The following CUL3 variants were observed in gnomAD, a reference collection of about 807,000 sequenced individuals.
The protein encoded by CUL3 is cullin-3.
A neutral mutation model predicts 89.1 loss-of-function variants in CUL3; 19 were observed. That is an observed-to-expected ratio of 0.21 (90% CI 0.15 to 0.31). The LOEUF is 0.31. CUL3 is among the 10% of genes least tolerant of loss of function. The probability of loss-of-function intolerance (pLI) is 1.00; values close to 1 mark genes in which losing one functional copy is unlikely to be tolerated. For missense variants in CUL3, 469 were observed against 942.3 expected (o/e 0.50, Z 6.58); for synonymous variants, 351 against 308.4 (o/e 1.14, Z -1.45).
chr2:224,511,707 G>T, intron 5 of CUL3, 125 bp from the exon 6 acceptor site: 1 of 566,140 alleles, frequency 1.8e-6, no homozygotes, highest in Non-Finnish European at 3.0e-6. Flanking sequence ...AGCATTTTGT[G>T]TAATTTCTCA....
intron 2 of CUL3, among the ~76,000 whole-genome samples, chr2:224,551,201 G>A (rs572849116): frequency 3.3e-5 from 5 of 150,968 alleles, no homozygotes; most frequent in South Asian, 2.1e-4. Context: ...CACCAAGCCC[G>A]GCAATTTTTT....
chr2:224,571,964 A>T (rs1695190322), intron 1 of CUL3, among the ~76,000 whole-genome samples: 1 of 152,248 alleles, frequency 6.6e-6, no homozygotes. Flanking sequence ...CTTATCCAAG[A>T]TCACACAGAG....
chr2:224,484,854 T>C (rs887882123), intron 13 of CUL3, among the ~76,000 whole-genome samples: 3 of 152,192 alleles, frequency 2.0e-5, no homozygotes, highest in Non-Finnish European at 4.4e-5. Context: ...GATGGCCGAA[T>C]AGGAACAGCT....
intron 1 of CUL3, among the ~76,000 whole-genome samples, chr2:224,584,742 G>C (rs1195611115): frequency 1.4e-5 from 2 of 146,754 alleles, no homozygotes; most frequent in Non-Finnish European, 3.0e-5. Context: ...CGGGCTCCCG[G>C]CGCGGGGAAC....
At chr2:224,529,991 C>T (rs1011262356) in intron 3 of CUL3, among the ~76,000 whole-genome samples, 1 of 152,022 alleles carries the variant, frequency 6.6e-6, no homozygotes, top group African/African-American at 2.4e-5. Context: ...GTAATTCTAG[C>T]ACTTTGGGAG....
chr2:224,510,885 T>C (rs1406099363), intron 6 of CUL3, among the ~76,000 whole-genome samples: 1 of 152,238 alleles, frequency 6.6e-6, no homozygotes, highest in African/African-American at 2.4e-5. Flanking sequence ...TATGTCAATA[T>C]GGAAGACACA....
intron 2 of CUL3, among the ~76,000 whole-genome samples, chr2:224,537,898 T>A (rs1693953463): frequency 6.6e-6 from 1 of 152,174 alleles, no homozygotes; most frequent in Admixed American, 6.5e-5. Flanking sequence ...AAAGTTAATG[T>A]TACAAAATAA....
chr2:224,558,616 A>C (rs1296092251), intron 1 of CUL3, among the ~76,000 whole-genome samples: 1 of 152,194 alleles, frequency 6.6e-6, no homozygotes, highest in Non-Finnish European at 1.5e-5. Context: ...AACTTGTTAG[A>C]AGTGCAGAAT....
intron 13 of CUL3, among the ~76,000 whole-genome samples, chr2:224,486,097 C>T (rs926238480): frequency 2.0e-5 from 3 of 152,206 alleles, no homozygotes; most frequent in Non-Finnish European, 4.4e-5. Context: ...ATGCAAAAAC[C>T]CCATCCAGAG....
intron 3 of CUL3, among the ~76,000 whole-genome samples, chr2:224,534,189 AT>A (rs1051581182): frequency 2.6e-5 from 4 of 152,060 alleles, no homozygotes; most frequent in Admixed American, 6.5e-5. Flanking sequence ...ATAGCACCAA[AT>A]TTTTTTTAAC....
At chr2:224,476,908 G>T (rs4674910) in intron 15 of CUL3, among the ~76,000 whole-genome samples, 8 of 151,990 alleles carry the variant, frequency 5.3e-5, no homozygotes, top group African/African-American at 1.4e-4. Flanking sequence ...CCTTGAGCCA[G>T]TACCTCAAAG....
chr2:224,584,946 GA>G lies in CUL3; in HGVS notation c.63del (p.Pro22ArgfsTer2). 2 of 1,489,868 alleles carry G rather than the reference GA, an allele frequency of 1.3e-6. No homozygotes were observed. Among genetic ancestry groups the G allele is most frequent in the Non-Finnish European group, 1.8e-6 (2 of 1,108,290 alleles). The allele number at this position is 1,489,868 out of a possible 1,614,324, so 92.3% of individuals were successfully genotyped here. ...RKDTKMRIRAFPMTMDEKYVN... is the reference protein window; with the variant it reads ...RKDTKMRIRAXPMTMDEKYVN... ...CCGGACGCCGAGGAGAGACTCACCG[GA>G]AAGGCCCGGATCCGCATCTTGGTGT... is the stretch of plus-strand genomic sequence containing the variant. On this transcript the variant is annotated frameshift_variant, in exon 1 of 16. Coordinates refer to ENST00000264414, the MANE Select transcript of CUL3 (RefSeq NM_003590.5). LOFTEE classifies it high-confidence loss of function.
At chr2:224,526,585 CAAA>C (rs1166152595) in intron 3 of CUL3, among the ~76,000 whole-genome samples, 43 of 26,148 alleles carry the variant, frequency 1.6e-3, no homozygotes, top group African/African-American at 3.3e-3. Flanking sequence ...GACTCCGTCT[CAAA>C]AAAAAAAAAA....
At chr2:224,505,864 T>TTAATTTTTATCTGTGAAATGTCC (rs1692580194) in intron 8 of CUL3, 92 bp downstream of exon 8, 1 of 878,186 alleles carries the variant, frequency 1.1e-6, no homozygotes, top group Admixed American at 3.3e-5. Flanking sequence ...TGGGTCATGC[T>TTAATTTTTATCTGTGAAATGTCC]TAATTTTTAT....
intron 2 of CUL3, among the ~76,000 whole-genome samples, chr2:224,545,268 CATT>C (rs1202861230): frequency 6.6e-6 from 1 of 151,908 alleles, no homozygotes; most frequent in Non-Finnish European, 1.5e-5. Context: ...GTGTTATTCT[CATT>C]ATTTTTAATT....
At position 224,543,452 on chromosome 2, in the gene CUL3, T is replaced by C. The variant is rs550109081; in HGVS notation, c.265-7811A>G. Among the ~76,000 whole-genome samples, 6 of 152,332 alleles carry C rather than the reference T, an allele frequency of 3.9e-5. No individual in the cohort carries two copies. In the South Asian group the frequency reaches 8.3e-4, roughly 21 times the overall value. On this transcript the variant is annotated intron_variant, in intron 2 of 15. Coordinates refer to ENST00000264414, the MANE Select transcript of CUL3 (RefSeq NM_003590.5). Reference sequence around the variant, plus strand: ...AAAGGTATGTCATTCTATAAATCTATAGTATTTTAACATTCACCCAGAAGC... The same window carrying C: ...AAAGGTATGTCATTCTATAAATCTACAGTATTTTAACATTCACCCAGAAGC...
At chr2:224,522,311 T>C (rs1473803928) in intron 3 of CUL3, among the ~76,000 whole-genome samples, 1 of 152,114 alleles carries the variant, frequency 6.6e-6, no homozygotes, top group Non-Finnish European at 1.5e-5. Context: ...TGCAGAATCA[T>C]AGTGGGGGAA....
intron 14 of CUL3, 24 bp downstream of exon 14, chr2:224,481,868 G>C (rs1691550815): frequency 7.1e-7 from 1 of 1,408,756 alleles, no homozygotes; most frequent in Non-Finnish European, 9.3e-7. Flanking sequence ...AATTTTTTGA[G>C]AGGAAAAATA....
intron 11 of CUL3, chr2:224,500,161 A>C: frequency 4.1e-6 from 2 of 485,156 alleles, no homozygotes; most frequent in South Asian, 6.0e-5. Flanking sequence ...ATCTTTCTAG[A>C]GATAAATTAT....
Sources: gnomAD v4.1 joint callset for allele counts (sites outside exome capture counted in the v4.1 genomes callset) on GRCh38, gnomAD v4.1.1 for gene constraint, MANE v1.5 for transcripts, NCBI Gene and HGNC (gene_info 2026-07-23, HGNC 2026-07-21) for gene names.